APBA1: variants seen among roughly 807,000 people sequenced by gnomAD.
APBA1 encodes the protein amyloid-beta A4 precursor protein-binding family A member 1.
A neutral mutation model predicts 86.6 loss-of-function variants in APBA1; 55 were observed. The ratio of observed to expected loss-of-function variants is 0.64; its 90% CI spans 0.51 to 0.80. The LOEUF (loss-of-function observed/expected upper bound fraction) is 0.80. Ranked by LOEUF, APBA1 falls within the 30% of genes least tolerant of loss-of-function variation. The pLI, the probability that APBA1 is intolerant of heterozygous loss-of-function variation, is 0.00. For missense variants in APBA1, 1,090 were observed against 1,183.0 expected (o/e 0.92, Z 1.15); for synonymous variants, 511 against 493.9 (o/e 1.03, Z -0.46).
chr9:69,666,318 C>T (rs1252383462), intron 1 of APBA1, among the ~76,000 whole-genome samples: 1 of 152,160 alleles, frequency 6.6e-6, no homozygotes, highest in East Asian at 1.9e-4. Flanking sequence ...CTGCAGGGCT[C>T]ACTACTTCAC....
At chr9:69,622,353 A>G (rs1048591279) in intron 1 of APBA1, among the ~76,000 whole-genome samples, 2 of 152,202 alleles carry the variant, frequency 1.3e-5, no homozygotes, top group African/African-American at 4.8e-5. Flanking sequence ...TTAATCTCCA[A>G]AGGTGATTAA....
At chr9:69,468,596 T>C (rs1442477870) in intron 4 of APBA1, among the ~76,000 whole-genome samples, 3 of 152,256 alleles carry the variant, frequency 2.0e-5, no homozygotes, top group Admixed American at 2.0e-4. Context: ...TCCCATGCTG[T>C]CAATCTTGTT....
At chr9:69,465,584 G>A (rs1037689633) in intron 5 of APBA1, 30 of 152,320 alleles carry the variant, frequency 2.0e-4, no homozygotes, top group Non-Finnish European at 1.5e-4. Flanking sequence ...GTGGAAACAG[G>A]AAGACAGTGA....
chr9:69,586,280 T>A (rs1822017969), intron 1 of APBA1, among the ~76,000 whole-genome samples: 1 of 152,222 alleles, frequency 6.6e-6, no homozygotes. Context: ...TACAAGCAGC[T>A]CAGAATCAGA....
At chr9:69,598,771 C>G (rs1822286753) in intron 1 of APBA1, among the ~76,000 whole-genome samples, 1 of 152,152 alleles carries the variant, frequency 6.6e-6, no homozygotes, top group East Asian at 1.9e-4. Context: ...AGCCTTGGGC[C>G]TGGAATACAC....
At chr9:69,457,928 T>C (rs1476161081) in intron 6 of APBA1, among the ~76,000 whole-genome samples, 1 of 152,226 alleles carries the variant, frequency 6.6e-6, no homozygotes, top group Non-Finnish European at 1.5e-5. Context: ...GTCTCCAATC[T>C]GCTCCCTGTC....
chr9:69,578,628 A>C (rs1013175863), intron 1 of APBA1, among the ~76,000 whole-genome samples: 5 of 152,198 alleles, frequency 3.3e-5, no homozygotes, highest in Admixed American at 6.5e-5. Context: ...GAAATAAATG[A>C]TCTATCTTTG....
chr9:69,441,920 A>T (rs1834830767), intron 10 of APBA1, among the ~76,000 whole-genome samples: 1 of 152,220 alleles, frequency 6.6e-6, no homozygotes, highest in Non-Finnish European at 1.5e-5. Context: ...GTGTGGTCTG[A>T]GCTGAGCTCA....
intron 1 of APBA1, among the ~76,000 whole-genome samples, chr9:69,602,500 G>A (rs1405866183): frequency 6.6e-6 from 1 of 151,968 alleles, no homozygotes; most frequent in Non-Finnish European, 1.5e-5. Context: ...GAACCTGGGA[G>A]GTGGAGCGTG....
intron 1 of APBA1, among the ~76,000 whole-genome samples, chr9:69,633,936 T>C (rs1823101332): frequency 6.6e-6 from 1 of 152,228 alleles, no homozygotes. Context: ...GGTCAAACTC[T>C]GTAAGAAAGT....
At chr9:69,450,207 A>G (rs919207587) in intron 9 of APBA1, among the ~76,000 whole-genome samples, 2 of 151,940 alleles carry the variant, frequency 1.3e-5, no homozygotes, top group African/African-American at 4.8e-5. Context: ...TGCTTCCCCA[A>G]TTCGCTCCGA....
intron 1 of APBA1, among the ~76,000 whole-genome samples, chr9:69,657,363 C>A (rs891320760): frequency 6.6e-6 from 1 of 152,210 alleles, no homozygotes; most frequent in African/African-American, 2.4e-5. Flanking sequence ...TCTGAGCCTG[C>A]CAGTTATTAC....
At chr9:69,565,184 C>A (rs1267743227) in intron 1 of APBA1, among the ~76,000 whole-genome samples, 1 of 152,052 alleles carries the variant, frequency 6.6e-6, no homozygotes, top group Non-Finnish European at 1.5e-5. Context: ...ATGTGAAGTG[C>A]TGTCAGGTAG....
chr9:69,538,492 T>C (rs187908976), intron 1 of APBA1, among the ~76,000 whole-genome samples: 6 of 152,314 alleles, frequency 3.9e-5, no homozygotes, highest in Non-Finnish European at 4.4e-5. Context: ...CCTACTTATT[T>C]AGGAGATGAG....
intron 1 of APBA1, among the ~76,000 whole-genome samples, chr9:69,562,748 C>T (rs980739145): frequency 2.0e-5 from 3 of 152,058 alleles, no homozygotes; most frequent in Admixed American, 6.6e-5. Context: ...ACCAACAATA[C>T]ATTATGTATG....
At chr9:69,530,327 T>C (rs62567234) in intron 1 of APBA1, among the ~76,000 whole-genome samples, 38,891 of 126,712 alleles carry the variant, frequency 0.31, 5,601 homozygotes, top group Admixed American at 0.35. Flanking sequence ...TATATATATA[T>C]ATACACACAC....
chr9:69,586,390 A>G (rs1160781039), intron 1 of APBA1, among the ~76,000 whole-genome samples: 3 of 152,176 alleles, frequency 2.0e-5, no homozygotes, highest in East Asian at 3.8e-4. Context: ...CTAGCACATC[A>G]CGGTCTCAAC....
At chr9:69,574,316 G>A (rs1821734933) in intron 1 of APBA1, among the ~76,000 whole-genome samples, 1 of 152,144 alleles carries the variant, frequency 6.6e-6, no homozygotes, top group Non-Finnish European at 1.5e-5. Context: ...TTACGACAGA[G>A]CCTCATTTTG....
At chr9:69,627,173 A>T (rs1044475844) in intron 1 of APBA1, among the ~76,000 whole-genome samples, 3 of 152,288 alleles carry the variant, frequency 2.0e-5, no homozygotes, top group Middle Eastern at 3.4e-3. Flanking sequence ...GGCACTCTAA[A>T]TGTGAGAGAG....
Sources: gnomAD v4.1 joint callset for allele counts (sites outside exome capture counted in the v4.1 genomes callset) on GRCh38, gnomAD v4.1.1 for gene constraint, MANE v1.5 for transcripts, NCBI Gene and HGNC (gene_info 2026-07-23, HGNC 2026-07-21) for gene names.